The following FBLN7 variants were observed in gnomAD, a reference collection of about 807,000 sequenced individuals.
FBLN7 encodes the protein fibulin-7.
In FBLN7, 31 loss-of-function variants were observed where a neutral mutation model predicts 44.0. That is an observed-to-expected ratio of 0.70 (90% CI 0.53 to 0.95). The LOEUF (loss-of-function observed/expected upper bound fraction) is 0.95, where lower values mean the gene tolerates loss of function less well. Among genes scored for constraint, FBLN7 ranks in the 40% least tolerant of loss-of-function variants. The pLI, the probability that FBLN7 is intolerant of heterozygous loss-of-function variation, is 0.00. For synonymous variants in FBLN7, 262 were observed against 253.4 expected (o/e 1.03, Z -0.32); for missense variants, 573 against 618.5 (o/e 0.93, Z 0.78).
At chr2:112,160,824 G>GCAGGCACA (rs1558880625) in intron 2 of FBLN7, among the ~76,000 whole-genome samples, 15 of 137,828 alleles carry the variant, frequency 1.1e-4, no homozygotes, top group African/African-American at 4.2e-4. Context: ...GCACACACAA[G>GCAGGCACA]CACGCATACA....
chr2:112,166,672 T>C (rs537743198), intron 3 of FBLN7, among the ~76,000 whole-genome samples: 2 of 152,362 alleles, frequency 1.3e-5, no homozygotes, highest in Admixed American at 6.5e-5. Flanking sequence ...TCCTGGGTGA[T>C]AACCCATGGC....
At chr2:112,225,003 C>T in the FBLN7 span, among the ~76,000 whole-genome samples, 2 of 152,152 alleles carry the variant, frequency 1.3e-5, no homozygotes, top group African/African-American at 4.8e-5. Context: ...TACAAGTGTA[C>T]ACCTTTTTAA....
chr2:112,147,050 A>G (rs1454809838), intron 1 of FBLN7, among the ~76,000 whole-genome samples: 1 of 152,208 alleles, frequency 6.6e-6, no homozygotes, highest in Admixed American at 6.5e-5. Flanking sequence ...TTCACTTGAT[A>G]TGGTCCTGTG....
chr2:112,201,268 G>A, the FBLN7 span, among the ~76,000 whole-genome samples: 1 of 152,236 alleles, frequency 6.6e-6, no homozygotes, highest in African/African-American at 2.4e-5. Flanking sequence ...ACAGACACTT[G>A]CTCATTCATG....
At chr2:112,156,100 G>T (rs1005761232) in intron 1 of FBLN7, among the ~76,000 whole-genome samples, 6 of 152,308 alleles carry the variant, frequency 3.9e-5, no homozygotes, top group Admixed American at 1.3e-4. Flanking sequence ...TTCCCTTCAC[G>T]CTTCCTGCCC....
intron 1 of FBLN7, among the ~76,000 whole-genome samples, chr2:112,147,499 G>A (rs747626603): frequency 1.8e-4 from 27 of 151,924 alleles, no homozygotes; most frequent in Non-Finnish European, 2.6e-4. Flanking sequence ...TCAGTCTGCC[G>A]TCTACACAAG....
intron 1 of FBLN7, among the ~76,000 whole-genome samples, chr2:112,145,448 G>T (rs949960112): frequency 1.3e-5 from 2 of 151,946 alleles, no homozygotes; most frequent in African/African-American, 4.8e-5. Flanking sequence ...AATTTTGAGC[G>T]CTCTTTATAT....
Position 112,182,884 on chromosome 2 carries a change from G to A in FBLN7, c.764G>A (p.Cys255Tyr). Residue 255 changes from cysteine (C) to tyrosine (Y), a missense_variant, in exon 6 of 8, where the codon TGC (cysteine) becomes TAC (tyrosine). Transcript: ENST00000331203. ...VNTPGSYRCT[C>Y]PGGYRTLADG... ...ACCCCGGGCTCTTACCGTTGCACCT[G>A]CCCCGGTGGATACCGAACTCTGGCT... 1 of 1,612,964 alleles carries A rather than the reference G, an allele frequency of 6.2e-7. No homozygotes were observed. Among genetic ancestry groups the A allele is most frequent in the East Asian group, 2.2e-5 (1 of 44,864 alleles).
chr2:112,232,619 A>C, the FBLN7 span, among the ~76,000 whole-genome samples: 839 of 152,314 alleles, frequency 5.5e-3, 6 homozygotes, highest in Non-Finnish European at 8.3e-3. Flanking sequence ...ATATCTTACA[A>C]ATCTGGATCC....
chr2:112,142,767 T>TG (rs1257038350), intron 1 of FBLN7, among the ~76,000 whole-genome samples: 12 of 140,840 alleles, frequency 8.5e-5, no homozygotes, highest in African/African-American at 3.6e-4. Context: ...TATGTGTGTG[T>TG]TTGTGTGTGT....
At chr2:112,174,157 G>A (rs1054904084) in intron 3 of FBLN7, among the ~76,000 whole-genome samples, 3 of 152,188 alleles carry the variant, frequency 2.0e-5, no homozygotes, top group Non-Finnish European at 4.4e-5. Context: ...TCCAGACTAC[G>A]CTGGTGGGCA....
chr2:112,228,794 A>G, the FBLN7 span, among the ~76,000 whole-genome samples: 1 of 152,236 alleles, frequency 6.6e-6, no homozygotes, highest in African/African-American at 2.4e-5. Flanking sequence ...TTAATAAAAT[A>G]AGACAAGCCA....
At chr2:112,212,226 T>TG in the FBLN7 span, 4 of 152,190 alleles carry the variant, frequency 2.6e-5, no homozygotes, top group Non-Finnish European at 5.9e-5. Flanking sequence ...AGGGCACTAA[T>TG]CCCATTCATG....
rs1485419692 is a variant in FBLN7 at position 112,138,519 on chromosome 2, TC to T, written c.-130del. The T allele has an allele frequency of 1.6e-4, 185 of 1,185,956 alleles. No individual in the cohort carries two copies. Among genetic ancestry groups the T allele is most frequent in the South Asian group, 2.4e-4 (15 of 61,270 alleles). 73.5% of individuals were successfully genotyped at this position (1,185,956 alleles called of 1,614,324 possible). A position where few individuals can be genotyped will look rare whatever the true frequency, so the allele number is the denominator to read the frequency against. On this transcript the variant is annotated 5_prime_UTR_variant, in exon 1 of 8. Coordinates refer to ENST00000331203, the MANE Select transcript of FBLN7 (RefSeq NM_153214.3). Reference sequence around the variant, plus strand: ...CGCGCTGCGCTCGGGGCCTCCCGCCTCCCCCCCTGCCCCAGCCGCCCCCCGG... The same window carrying T: ...CGCGCTGCGCTCGGGGCCTCCCGCCTCCCCCCTGCCCCAGCCGCCCCCCGG...
At chr2:112,241,416 G>A in the FBLN7 span, among the ~76,000 whole-genome samples, 2 of 152,184 alleles carry the variant, frequency 1.3e-5, no homozygotes, top group Admixed American at 1.3e-4. Flanking sequence ...ATAAAGCAGG[G>A]GTTCTCACCC....
intron 3 of FBLN7, among the ~76,000 whole-genome samples, chr2:112,167,027 C>T (rs961959277): frequency 2.0e-5 from 3 of 152,200 alleles, no homozygotes; most frequent in Non-Finnish European, 2.9e-5. Flanking sequence ...GCTTCAGGCT[C>T]GCTTTGAACT....
the FBLN7 span, among the ~76,000 whole-genome samples, chr2:112,221,573 T>C: frequency 1.3e-5 from 2 of 152,150 alleles, no homozygotes; most frequent in Non-Finnish European, 2.9e-5. Context: ...TTATTGTTTT[T>C]ACTTTATTTT....
chr2:112,172,289 G>A (rs1682504107), intron 3 of FBLN7, among the ~76,000 whole-genome samples: 2 of 152,168 alleles, frequency 1.3e-5, no homozygotes, highest in African/African-American at 4.8e-5. Context: ...TGTCTCTTCT[G>A]CCTCAGCGAG....
At chr2:112,175,504 G>A (rs1210112856) in intron 3 of FBLN7, among the ~76,000 whole-genome samples, 1 of 152,248 alleles carries the variant, frequency 6.6e-6, no homozygotes, top group Non-Finnish European at 1.5e-5. Flanking sequence ...AGGGCCTGCT[G>A]AATGGAGATG....
Sources: gnomAD v4.1 joint callset for allele counts (sites outside exome capture counted in the v4.1 genomes callset) on GRCh38, gnomAD v4.1.1 for gene constraint, MANE v1.5 for transcripts, NCBI Gene and HGNC (gene_info 2026-07-23, HGNC 2026-07-21) for gene names.